BTBD7: variants seen among roughly 807,000 people sequenced by gnomAD.
BTBD7 encodes the protein BTB/POZ domain-containing protein 7.
A neutral mutation model predicts 99.9 loss-of-function variants in BTBD7; 38 were observed. The ratio of observed to expected loss-of-function variants is 0.38; its 90% CI spans 0.29 to 0.50. The LOEUF (loss-of-function observed/expected upper bound fraction) is 0.50. BTBD7 is among the 20% of genes least tolerant of loss of function. BTBD7 has a pLI of 0.93. For synonymous variants in BTBD7, 520 were observed against 511.4 expected (o/e 1.02, Z -0.23); for missense variants, 1,170 against 1,394.6 (o/e 0.84, Z 2.57).
chr14:93,270,760 A>T (rs1229814951), intron 3 of BTBD7, among the ~76,000 whole-genome samples: 1 of 152,144 alleles, frequency 6.6e-6, no homozygotes, highest in Non-Finnish European at 1.5e-5. Flanking sequence ...CCTGTAGCCA[A>T]GGCATTTAAT....
At chr14:93,308,380 C>T (rs955572336) in intron 1 of BTBD7, among the ~76,000 whole-genome samples, 1 of 151,588 alleles carries the variant, frequency 6.6e-6, no homozygotes, top group Admixed American at 6.6e-5. Context: ...TCACAGCGTA[C>T]ATATACCCTC....
Position 93,294,511 on chromosome 14 carries a change from A to G in BTBD7, c.509T>C (p.Leu170Pro). The G allele has an allele frequency of 6.2e-7, 1 of 1,614,072 alleles. No individual in the cohort carries two copies. The highest frequency in any genetic ancestry group is 8.5e-7 in the Non-Finnish European group (1 of 1,179,986). The change falls in exon 3 of 11, where the codon CTG becomes CCG. Residue 170 changes from leucine (L) to proline (P), a missense_variant. Physicochemically the swap from Leu to Pro is moderately conservative, Grantham distance 98 (BLOSUM62 -3). Around this residue, in one of 4 missense-constraint regions of BTBD7, gnomAD observed 359 missense variants for 497.9 expected, o/e 0.72. Transcript: ENST00000334746. ...LAARCPFFKT[L>P]LSSSPEYGAE... ...CCCATACTCTGGTGAGGAAGAAAGC[A>G]GTGTTTTAAAAAATGGACACCTTGC...
chr14:93,280,593 T>C (rs887832934), intron 3 of BTBD7, among the ~76,000 whole-genome samples: 4 of 152,228 alleles, frequency 2.6e-5, no homozygotes, highest in Non-Finnish European at 5.9e-5. Context: ...AAGTATGAGA[T>C]ACATAAAAAT....
In BTBD7 at chr14:93,251,663, C is replaced by A; in HGVS notation, c.1753-11G>T. Reference sequence around the variant, plus strand: ...CTCATCTAGCACTGACTGAAATAATCATTCAGTATTAACAAAACCAGTCAA... The same window carrying A: ...CTCATCTAGCACTGACTGAAATAATAATTCAGTATTAACAAAACCAGTCAA... On this transcript the variant is annotated splice_polypyrimidine_tract_variant and intron_variant, in intron 7 of 10. Transcript: ENST00000334746. 6.4e-7 allele frequency: 1 copy of A among 1,560,188 alleles called. No individual in the cohort carries two copies. Among genetic ancestry groups the A allele is most frequent in the Non-Finnish European group, 8.7e-7 (1 of 1,143,306 alleles).
Position 93,246,275 on chromosome 14 carries a change from T to A in BTBD7, c.2133A>T (p.Lys711Asn). 6.7e-7 allele frequency: 1 copy of A among 1,483,824 alleles called. No individual in the cohort carries two copies. 91.9% of individuals were successfully genotyped at this position (1,483,824 alleles called of 1,614,324 possible). Reference sequence around the variant, plus strand: ...CCCCAAAACGTTCATCAGGAAAGAATTTGTGAGGATTCTAAAAAAGATTAA... The same window carrying A: ...CCCCAAAACGTTCATCAGGAAAGAAATTGTGAGGATTCTAAAAAAGATTAA... ...AAAELLQNPHKFFPDERFGDE... is the reference protein window; with the variant it reads ...AAAELLQNPHNFFPDERFGDE... The change falls in exon 10 of 11, where the codon AAA becomes AAT. Residue 711 changes from lysine to asparagine, a missense_variant. By Grantham distance (94) the Lys-to-Asn change is moderately conservative. Coordinates refer to ENST00000334746, the MANE Select transcript of BTBD7 (RefSeq NM_001002860.4).
At chr14:93,288,019 TG>T (rs745585767) in intron 3 of BTBD7, 1 of 153,472 alleles carries the variant, frequency 6.5e-6, no homozygotes, top group Non-Finnish European at 1.4e-5. Flanking sequence ...CATCAGCTTT[TG>T]GAAGACACTA....
In BTBD7 at chr14:93,296,078, CT is replaced by C; in HGVS notation, c.-28del. ...TTCTTCAGTCACTCAGGCATTCCGTCTGCGGGTTCTTCAGAGTATAATCCCA... is the reference window on the plus strand; with the variant it reads ...TTCTTCAGTCACTCAGGCATTCCGTCGCGGGTTCTTCAGAGTATAATCCCA... On this transcript the variant is annotated 5_prime_UTR_variant, in exon 2 of 11. The change creates a premature stop within an existing upstream ORF in the 5' untranslated region. Transcript: ENST00000334746. 1 of 1,610,802 alleles carries C rather than the reference CT, an allele frequency of 6.2e-7. No individual in the cohort carries two copies. Among genetic ancestry groups the C allele is most frequent in the Non-Finnish European group, 8.5e-7 (1 of 1,178,530 alleles).
intron 3 of BTBD7, among the ~76,000 whole-genome samples, chr14:93,276,994 C>T (rs1054062549): frequency 1.0e-4 from 15 of 146,514 alleles, no homozygotes; most frequent in African/African-American, 3.1e-4. Flanking sequence ...CTCTGCCTCC[C>T]GGGTTCAAGC....
intron 1 of BTBD7, among the ~76,000 whole-genome samples, chr14:93,321,635 G>A (rs17129005): frequency 0.12 from 18,435 of 152,162 alleles, 1,427 homozygotes; most frequent in African/African-American, 0.22. Flanking sequence ...TCATAGTGGG[G>A]CAAACTGTTG....
intron 1 of BTBD7, among the ~76,000 whole-genome samples, chr14:93,319,735 C>G (rs761042158): frequency 2.0e-5 from 3 of 152,172 alleles, no homozygotes; most frequent in Non-Finnish European, 4.4e-5. Context: ...CTGTACAACA[C>G]TGTACCTATA....
At chr14:93,253,898 T>C (rs1313191031) in intron 6 of BTBD7, 108 bp from the exon 7 acceptor site, 6 of 557,984 alleles carry the variant, frequency 1.1e-5, no homozygotes, top group Non-Finnish European at 1.6e-5. Context: ...ACTTTATCAT[T>C]TAAATAAAAA....
Position 93,246,215 on chromosome 14 carries a change from C to T in BTBD7, c.2193G>A (p.Gly731=). ...ESPLLTMRQP[G]RCRVNSTPPA... Reference sequence around the variant, plus strand: ...GAGGTGTACTGTTTACGCGACATCTCCCAGGCTGTCTCATTGTCAAGAGTG... The same window carrying T: ...GAGGTGTACTGTTTACGCGACATCTTCCAGGCTGTCTCATTGTCAAGAGTG... Residue 731 remains glycine (G), a synonymous_variant, in exon 10 of 11, where the codon GGG becomes GGA. Transcript: ENST00000334746. The T allele has an allele frequency of 3.1e-6, 5 of 1,598,924 alleles. No individual in the cohort carries two copies. Among genetic ancestry groups the T allele is most frequent in the Non-Finnish European group, 4.3e-6 (5 of 1,171,412 alleles).
intron 3 of BTBD7, among the ~76,000 whole-genome samples, chr14:93,289,663 T>G (rs2052823343): frequency 6.6e-6 from 1 of 152,196 alleles, no homozygotes; most frequent in African/African-American, 2.4e-5. Context: ...AATAGGGCTT[T>G]GAAGGAAATA....
At position 93,251,572 on chromosome 14, in the gene BTBD7, C is replaced by A. The variant is rs758817668; in HGVS notation, c.1833G>T (p.Thr611=). The part of the protein sequence containing the change: ...RMVRMSNVPD[T]LYMVNNAVPQ... Reference sequence around the variant, plus strand: ...GCACGGCATTATTGACCATGTAGAGCGTGTCTGGCACATTGGACATTCTAA... The same window carrying A: ...GCACGGCATTATTGACCATGTAGAGAGTGTCTGGCACATTGGACATTCTAA... The change falls in exon 8 of 11, where the codon ACG becomes ACT. Residue 611 remains threonine, a synonymous_variant. Transcript: ENST00000334746. 1.9e-6 allele frequency: 3 copies of A among 1,613,910 alleles called. No individual in the cohort carries two copies. The highest frequency in any genetic ancestry group is 2.2e-5 in the East Asian group (1 of 44,874).
chr14:93,331,882 C>CCA (rs1555394542), intron 1 of BTBD7, among the ~76,000 whole-genome samples: 3 of 146,190 alleles, frequency 2.1e-5, no homozygotes, highest in South Asian at 2.2e-4. Context: ...CTCCGTCTCC[C>CCA]CCCCCCCAAA....
At chr14:93,255,875 G>A (rs1025862300) in intron 6 of BTBD7, 5 of 152,150 alleles carry the variant, frequency 3.3e-5, no homozygotes, top group African/African-American at 1.2e-4. Context: ...TACCTTAACA[G>A]GTGAAAAAAT....
chr14:93,291,469 C>T (rs67685471), intron 3 of BTBD7, among the ~76,000 whole-genome samples: 12,664 of 152,058 alleles, frequency 0.083, 564 homozygotes, highest in Middle Eastern at 0.13. Flanking sequence ...CTACCTCAAG[C>T]GAGCTAATAT....
Position 93,240,825 on chromosome 14 carries a change from A to C in BTBD7, c.*1448T>G, listed in dbSNP as rs1248620114. 1 of 152,630 alleles carries C rather than the reference A, an allele frequency of 6.6e-6. No individual in the cohort carries two copies. Among genetic ancestry groups the C allele is most frequent in the Non-Finnish European group, 1.5e-5 (1 of 68,028 alleles). 9.5% of individuals were successfully genotyped at this position (152,630 alleles called of 1,614,324 possible). On this transcript the variant is annotated 3_prime_UTR_variant, in exon 11 of 11. Transcript: ENST00000334746. ...TGCTCAGTGGTTTAGTAAATGCCAA[A>C]CCAGCGTCCCAGTGGAGTTCAAGTA...
intron 1 of BTBD7, among the ~76,000 whole-genome samples, chr14:93,330,332 C>CAA (rs1406854459): frequency 6.6e-6 from 1 of 152,198 alleles, no homozygotes; most frequent in African/African-American, 2.4e-5. Context: ...TAGTCTCCTT[C>CAA]TATTTCCCTC....
Sources: gnomAD v4.1 joint callset for allele counts (sites outside exome capture counted in the v4.1 genomes callset) on GRCh38, gnomAD v4.1.1 for gene constraint, gnomAD v4.1.1 regional missense constraint, MANE v1.5 for transcripts, NCBI Gene and HGNC (gene_info 2026-07-23, HGNC 2026-07-21) for gene names.